The following CFTR variants were observed in gnomAD, a reference collection of about 807,000 sequenced individuals.
CFTR encodes cystic fibrosis transmembrane conductance regulator.
A neutral mutation model predicts 171.6 loss-of-function variants in CFTR; 181 were observed. The observed-to-expected ratio is 1.05, with a 90% CI of 0.93 to 1.19. CFTR has a LOEUF of 1.19. Ranked by LOEUF, CFTR falls within the 50% of genes most tolerant of loss-of-function variation. The pLI, the probability that CFTR is intolerant of heterozygous loss-of-function variation, is 0.00. For synonymous variants in CFTR, 583 were observed against 608.0 expected, an observed-to-expected ratio of 0.96 and a Z score of 0.60; for missense variants, 1,968 against 1,734.7, an observed-to-expected ratio of 1.13 and a Z score of -2.39.
intron 22 of CFTR, 55 bp downstream of exon 22, chr7:117,627,825 G>A: frequency 6.4e-7 from 1 of 1,563,606 alleles, no homozygotes; most frequent in South Asian, 1.1e-5. Flanking sequence ...GTGAATCCCA[G>A]TAGCCTGAAG....
rs1234696445 is a variant in CFTR at position 117,611,570 on chromosome 7, A to G, written c.3140-11A>G. ...GTTATTTGCAATGTTTTCTATGGAA[A>G]TATTTCACAGGCAGGAGTCCAATTT... On this transcript the variant is annotated splice_polypyrimidine_tract_variant and intron_variant, in intron 19 of 26. Transcript: ENST00000003084. 6.7e-7 allele frequency: 1 copy of G among 1,498,194 alleles called. No homozygotes were observed. The highest frequency in any genetic ancestry group is 1.7e-5 in the Admixed American group (1 of 59,478). 92.8% of individuals were successfully genotyped at this position (1,498,194 alleles called of 1,614,324 possible).
At chr7:117,514,399 ACACAT>A (rs1462797740) in intron 3 of CFTR, among the ~76,000 whole-genome samples, 5 of 151,998 alleles carry the variant, frequency 3.3e-5, no homozygotes, top group African/African-American at 1.2e-4. Context: ...ACGAGTGAGA[ACACAT>A]GGTGTTTGAT....
chr7:117,661,522 A>C (rs1291299514), intron 24 of CFTR, among the ~76,000 whole-genome samples: 1 of 152,180 alleles, frequency 6.6e-6, no homozygotes, highest in African/African-American at 2.4e-5. Context: ...TAGAGGGAGC[A>C]TACTGCATTC....
At chr7:117,498,326 T>A (rs1049491413) in intron 1 of CFTR, among the ~76,000 whole-genome samples, 1 of 152,112 alleles carries the variant, frequency 6.6e-6, no homozygotes, top group Non-Finnish European at 1.5e-5. Context: ...GAGCATATAC[T>A]CCCTAAAGTT....
intron 3 of CFTR, among the ~76,000 whole-genome samples, chr7:117,510,639 T>A (rs1231591611): frequency 6.6e-6 from 1 of 152,122 alleles, no homozygotes; most frequent in Non-Finnish European, 1.5e-5. Context: ...TCTGCTTGGC[T>A]TGTAAAATAA....
chr7:117,544,216 G>T (rs528766380), intron 9 of CFTR, among the ~76,000 whole-genome samples: 236 of 152,288 alleles, frequency 1.5e-3, no homozygotes, highest in South Asian at 0.012. Flanking sequence ...CAGTTTTGGA[G>T]AAGGAAGTGC....
intron 24 of CFTR, among the ~76,000 whole-genome samples, chr7:117,660,397 C>T (rs907313383): frequency 4.6e-5 from 7 of 151,838 alleles, no homozygotes; most frequent in African/African-American, 9.7e-5. Context: ...TTTGGGAGGC[C>T]GAGGCGGTTG....
In CFTR at chr7:117,668,206, TGTGAA is replaced by T. The variant is rs1793418298; in HGVS notation, c.*1100_*1104del. On this transcript the variant is annotated 3_prime_UTR_variant, in exon 27 of 27. Transcript: ENST00000003084. ...TTTATATGCTTCTGTTTTATAATTTTGTGAAGCAAAATTTTTTCTCTAGGAAATAT... is the reference window on the plus strand; with the variant it reads ...TTTATATGCTTCTGTTTTATAATTTTGCAAAATTTTTTCTCTAGGAAATAT... 6.6e-6 allele frequency: 1 copy of T among 152,238 alleles called. No homozygotes were observed. The highest frequency in any genetic ancestry group is 2.4e-5 in the African/African-American group (1 of 41,464). 9.4% of individuals were successfully genotyped at this position (152,238 alleles called of 1,614,324 possible).
At chr7:117,490,312 T>TACACACACACACAC (rs3034759) in intron 1 of CFTR, among the ~76,000 whole-genome samples, 205 of 136,878 alleles carry the variant, frequency 1.5e-3, no homozygotes, top group Non-Finnish European at 1.9e-3. Context: ...GAACCAATGA[T>TACACACACACACAC]ACACACACAC....
chr7:117,664,355 G>A (rs1793334107), intron 24 of CFTR, among the ~76,000 whole-genome samples: 1 of 152,130 alleles, frequency 6.6e-6, no homozygotes, highest in Non-Finnish European at 1.5e-5. Context: ...AATAATTTAT[G>A]TACACCTTTA....
chr7:117,630,991 AT>A (rs576409121), intron 22 of CFTR, among the ~76,000 whole-genome samples: 1 of 151,558 alleles, frequency 6.6e-6, no homozygotes, highest in African/African-American at 2.4e-5. Context: ...GAGATTGTGG[AT>A]TTTTTTTCTT....
intron 10 of CFTR, among the ~76,000 whole-genome samples, chr7:117,558,485 C>A (rs1371652711): frequency 6.6e-6 from 1 of 151,806 alleles, no homozygotes. Flanking sequence ...ACCCAGGAGG[C>A]AGAACTTGCA....
Position 117,664,833 on chromosome 7 carries a change from A to G in CFTR, c.4109A>G (p.Asp1370Gly), listed in dbSNP as rs766124395. The G allele has an allele frequency of 2.5e-6, 4 of 1,614,014 alleles. No individual in the cohort carries two copies. Among genetic ancestry groups the G allele is most frequent in the Non-Finnish European group, 3.4e-6 (4 of 1,179,900 alleles). ...VLSKAKILLL[D>G]EPSAHLDPVT... is the part of the protein sequence containing the mutation. Reference sequence around the variant, plus strand: ...AGTAAGGCGAAGATCTTGCTGCTTGATGAACCCAGTGCTCATTTGGATCCA... The same window carrying G: ...AGTAAGGCGAAGATCTTGCTGCTTGGTGAACCCAGTGCTCATTTGGATCCA... The change falls in exon 25 of 27, where the codon GAT (aspartate) becomes GGT (glycine). Residue 1370 changes from aspartate to glycine, a missense_variant. By Grantham distance (94) the Asp-to-Gly change is moderately conservative. Transcript: ENST00000003084.
intron 1 of CFTR, among the ~76,000 whole-genome samples, chr7:117,492,335 T>C (rs1305543441): frequency 6.6e-6 from 1 of 152,000 alleles, no homozygotes; most frequent in Non-Finnish European, 1.5e-5. Flanking sequence ...TACTATAGAA[T>C]TGAAAAATGT....
rs990295935 is a variant in CFTR at position 117,634,760 on chromosome 7, A to G, written c.3717+6990A>G. Among the ~76,000 whole-genome samples the G allele has an allele frequency of 6.8e-4, 103 of 152,196 alleles. 1 individual carries two copies. Among genetic ancestry groups the G allele is most frequent in the African/African-American group, 2.3e-3 (96 of 41,558 alleles). ...TAATCACCATTTTTAAAAATTTTCT[A>G]GCTATCTTTCTGTTATTGATTTCTA... On this transcript the variant is annotated intron_variant, in intron 22 of 26. Transcript: ENST00000003084.
chr7:117,664,872 A>G lies in CFTR; in HGVS notation c.4136+12A>G, dbSNP rs777853603. ...CATTTGGATCCAGTGTGAGTTTCAG[A>G]TGTTCTGTTACTTAATAGCACAGTG... On this transcript the variant is annotated intron_variant, in intron 25 of 26. Transcript: ENST00000003084. 6.8e-6 allele frequency: 11 copies of G among 1,613,530 alleles called. No individual in the cohort carries two copies. In the East Asian group the frequency reaches 1.6e-4, roughly 23 times the overall value.
intron 2 of CFTR, among the ~76,000 whole-genome samples, chr7:117,507,999 C>T (rs1183290038): frequency 6.6e-6 from 1 of 152,180 alleles, no homozygotes; most frequent in African/African-American, 2.4e-5. Flanking sequence ...TGGTCTTGAA[C>T]TCCTGACCTC....
chr7:117,557,905 G>C (rs1339031868), intron 10 of CFTR, among the ~76,000 whole-genome samples: 1 of 151,952 alleles, frequency 6.6e-6, no homozygotes. Flanking sequence ...GAATAGATTA[G>C]CTTATATACT....
intron 3 of CFTR, among the ~76,000 whole-genome samples, chr7:117,521,047 G>C (rs1322309689): frequency 6.6e-6 from 1 of 151,842 alleles, no homozygotes; most frequent in Admixed American, 6.6e-5. Flanking sequence ...ATAATGTTTT[G>C]TGAGATGTAT....
Sources: allele counts gnomAD v4.1 joint callset (sites outside exome capture counted in the v4.1 genomes callset), GRCh38; gene constraint gnomAD v4.1.1; transcripts MANE v1.5; gene names NCBI Gene and HGNC (gene_info 2026-07-23, HGNC 2026-07-21).